PARP8: variants seen among roughly 807,000 people sequenced by gnomAD.
PARP8 encodes the protein protein mono-ADP-ribosyltransferase PARP8.
A neutral mutation model predicts 124.1 loss-of-function variants in PARP8; 51 were observed. That is an observed-to-expected ratio of 0.41 (90% CI 0.33 to 0.52). The LOEUF (loss-of-function observed/expected upper bound fraction) is 0.52, where lower values mean the gene tolerates loss of function less well. PARP8 is among the 20% of genes least tolerant of loss of function. PARP8 has a pLI of 0.21. For synonymous variants in PARP8, 391 were observed against 361.5 expected (o/e 1.08, Z -0.93); for missense variants, 860 against 1,018.9 (o/e 0.84, Z 2.12).
chr5:50,757,191 G>A (rs1174873828), intron 3 of PARP8: 1 of 455,598 alleles, frequency 2.2e-6, no homozygotes, highest in Non-Finnish European at 4.4e-6. Flanking sequence ...GTTTCCTGTG[G>A]ATCTCAAAAG....
At chr5:50,819,453 T>C (rs1745502926) in intron 15 of PARP8, among the ~76,000 whole-genome samples, 1 of 140,082 alleles carries the variant, frequency 7.1e-6, no homozygotes, top group Admixed American at 7.1e-5. Flanking sequence ...TTTTTTTTTT[T>C]TTTTGAGACG....
At chr5:50,728,377 G>C (rs912116060) in intron 2 of PARP8, among the ~76,000 whole-genome samples, 1 of 152,128 alleles carries the variant, frequency 6.6e-6, no homozygotes, top group Admixed American at 6.6e-5. Flanking sequence ...TTAACATTTT[G>C]AGTTTTGAGA....
Position 50,793,734 on chromosome 5 carries a change from G to A in PARP8, c.738-473G>A, listed in dbSNP as rs552313145. On this transcript the variant is annotated intron_variant, in intron 10 of 25. Coordinates refer to ENST00000281631, the MANE Select transcript of PARP8 (RefSeq NM_024615.4). ...CTTTCCTTTTCATGAAGAAGATATC[G>A]AAGCAAGTCAAGTAAAAAGAAAATG... 7.2e-5 allele frequency among the ~76,000 whole-genome samples: 11 copies of A among 152,102 alleles called. No individual in the cohort carries two copies. The South Asian group carries it at 1.9e-3, about 26-fold the overall frequency.
chr5:50,763,608 C>T (rs1011555077), intron 7 of PARP8, among the ~76,000 whole-genome samples: 2 of 151,246 alleles, frequency 1.3e-5, no homozygotes, highest in African/African-American at 4.9e-5. Flanking sequence ...CCACTGGTAT[C>T]CAAATTACAT....
At chr5:50,756,996 C>A in intron 3 of PARP8, 2 of 323,812 alleles carry the variant, frequency 6.2e-6, no homozygotes, top group Non-Finnish European at 6.3e-6. Context: ...TTGCAGATGG[C>A]AGGATTTCAT....
intron 2 of PARP8, among the ~76,000 whole-genome samples, chr5:50,698,391 A>C (rs1753249748): frequency 6.6e-6 from 1 of 152,190 alleles, no homozygotes; most frequent in Non-Finnish European, 1.5e-5. Flanking sequence ...AACATTTATG[A>C]ATATTATAAT....
At chr5:50,677,934 A>C (rs1220536551) in intron 2 of PARP8, among the ~76,000 whole-genome samples, 1 of 152,092 alleles carries the variant, frequency 6.6e-6, no homozygotes, top group East Asian at 1.9e-4. Context: ...TAAAAAAAAA[A>C]AACCCTGTAC....
At chr5:50,693,727 G>A (rs984787248) in intron 2 of PARP8, among the ~76,000 whole-genome samples, 8 of 150,784 alleles carry the variant, frequency 5.3e-5, no homozygotes, top group Non-Finnish European at 8.9e-5. Flanking sequence ...TAATGTAATC[G>A]TATAATCACA....
intron 7 of PARP8, among the ~76,000 whole-genome samples, chr5:50,767,520 C>T (rs1330007577): frequency 1.3e-5 from 2 of 152,172 alleles, no homozygotes; most frequent in South Asian, 2.1e-4. Flanking sequence ...CTACTCCCAA[C>T]GCAAGGGCTT....
intron 14 of PARP8, among the ~76,000 whole-genome samples, chr5:50,813,515 A>T (rs1022629820): frequency 2.6e-5 from 4 of 152,178 alleles, no homozygotes; most frequent in Admixed American, 2.6e-4. Flanking sequence ...GGTTTTCTAA[A>T]TATACAACCA....
chr5:50,765,220 G>A (rs959539526), intron 7 of PARP8, among the ~76,000 whole-genome samples: 2 of 151,418 alleles, frequency 1.3e-5, no homozygotes, highest in African/African-American at 4.9e-5. Context: ...TGAGATCGTG[G>A]CATTGCACTC....
intron 2 of PARP8, 59 bp from the exon 3 acceptor site, chr5:50,750,092 A>G (rs757223541): frequency 8.2e-6 from 11 of 1,343,862 alleles, no homozygotes; most frequent in Admixed American, 1.9e-5. Flanking sequence ...TCTTTTTTTT[A>G]TAAAAGCCTG....
At chr5:50,738,852 T>G in intron 2 of PARP8, 1 of 616,286 alleles carries the variant, frequency 1.6e-6, no homozygotes, top group Non-Finnish European at 3.0e-6. Flanking sequence ...GCTTAAACAG[T>G]AAAAAGGATA....
At chr5:50,745,940 G>A (rs1306985494) in intron 2 of PARP8, among the ~76,000 whole-genome samples, 1 of 152,130 alleles carries the variant, frequency 6.6e-6, no homozygotes, top group Non-Finnish European at 1.5e-5. Context: ...ATCTTCTAAT[G>A]TTTGGCATGT....
chr5:50,828,031 C>A lies in PARP8; in HGVS notation c.2065C>A (p.Leu689Ile). 1 of 1,611,754 alleles carries A rather than the reference C, an allele frequency of 6.2e-7. No individual in the cohort carries two copies. The highest frequency in any genetic ancestry group is 8.5e-7 in the Non-Finnish European group (1 of 1,177,968). The change falls in exon 20 of 26, where the codon CTC (leucine) becomes ATC (isoleucine). Residue 689 changes from leucine (L) to isoleucine (I), a missense_variant. Physicochemically the swap from Leu to Ile is conservative, Grantham distance 5 (BLOSUM62 2). This residue lies in a region of PARP8 where 343 missense variants were observed against 474.7 expected (regional missense o/e 0.72). Coordinates refer to ENST00000281631, the MANE Select transcript of PARP8 (RefSeq NM_024615.4). ...ATCCAATTTTAGAGCTGCTAAAAAA[C>A]TCTTTGGAAGCACCTTTGCATTTCA... Reference protein sequence around the residue: ...KESNFRAAKKLFGSTFAFHGS... With the variant: ...KESNFRAAKKIFGSTFAFHGS...
intron 1 of PARP8, chr5:50,667,788 A>T: frequency 1.1e-6 from 1 of 888,636 alleles, no homozygotes; most frequent in Non-Finnish European, 1.8e-6. Flanking sequence ...TGCTTTCGCT[A>T]CCGCGAGCCC....
intron 24 of PARP8, 53 bp downstream of exon 24, chr5:50,834,101 A>G: frequency 7.3e-7 from 1 of 1,363,620 alleles, no homozygotes; most frequent in East Asian, 2.3e-5. Flanking sequence ...CTCATCTATA[A>G]TTAAAAATAT....
intron 3 of PARP8, among the ~76,000 whole-genome samples, chr5:50,752,542 G>A (rs1759375498): frequency 1.3e-5 from 2 of 151,974 alleles, no homozygotes; most frequent in Non-Finnish European, 2.9e-5. Flanking sequence ...ATTCTTCCAT[G>A]TCTCTGGTTA....
In PARP8 at chr5:50,723,441, CTGAG is replaced by C. The variant is rs576074353; in HGVS notation, c.147-26707_147-26704del. Among the ~76,000 whole-genome samples, 503 of 152,058 alleles carry C rather than the reference CTGAG, an allele frequency of 3.3e-3. 2 individuals are homozygous for C. Among genetic ancestry groups the C allele is most frequent in the Non-Finnish European group, 5.6e-3 (378 of 67,964 alleles). On this transcript the variant is annotated intron_variant, in intron 2 of 25. Transcript: ENST00000281631. ...GATGGCAATTACAATATTAATATGACTGAGTGTTTGGATATCAAAGATGAGAAGA... is the reference window on the plus strand; with the variant it reads ...GATGGCAATTACAATATTAATATGACTGTTTGGATATCAAAGATGAGAAGA...
Sources: gnomAD v4.1 joint callset for allele counts (sites outside exome capture counted in the v4.1 genomes callset) on GRCh38, gnomAD v4.1.1 for gene constraint, gnomAD v4.1.1 regional missense constraint, MANE v1.5 for transcripts, NCBI Gene and HGNC (gene_info 2026-07-23, HGNC 2026-07-21) for gene names.